The following SPOCK3 variants were observed in gnomAD, a reference collection of about 807,000 sequenced individuals.
SPOCK3 encodes testican-3.
In SPOCK3, 30 loss-of-function variants were observed where a neutral mutation model predicts 56.6. That is an observed-to-expected ratio of 0.53 (90% CI 0.40 to 0.72). The LOEUF is 0.72. Among genes scored for constraint, SPOCK3 ranks in the 30% least tolerant of loss-of-function variants. The probability of loss-of-function intolerance (pLI) is 0.00; values close to 1 mark genes in which losing one functional copy is unlikely to be tolerated. For missense variants in SPOCK3, 527 were observed against 530.0 expected (o/e 0.99, Z 0.06); for synonymous variants, 196 against 183.3 (o/e 1.07, Z -0.56).
chr4:166,924,078 C>G (rs1302016782), intron 4 of SPOCK3, among the ~76,000 whole-genome samples: 1 of 152,030 alleles, frequency 6.6e-6, no homozygotes, highest in African/African-American at 2.4e-5. Context: ...TTTGTGACAT[C>G]CAAGGTTGAC....
intron 4 of SPOCK3, among the ~76,000 whole-genome samples, chr4:166,977,213 AATTT>A (rs893628088): frequency 6.6e-6 from 1 of 152,072 alleles, no homozygotes; most frequent in Non-Finnish European, 1.5e-5. Flanking sequence ...TTAGGTTTAT[AATTT>A]ATTTATAATC....
chr4:167,198,356 G>C (rs1303968931), intron 2 of SPOCK3, among the ~76,000 whole-genome samples: 1 of 152,134 alleles, frequency 6.6e-6, no homozygotes, highest in Non-Finnish European at 1.5e-5. Context: ...CTATGTGATA[G>C]TTTGGTTATA....
chr4:166,764,473 G>A (rs1018585247), intron 7 of SPOCK3, among the ~76,000 whole-genome samples: 5 of 152,052 alleles, frequency 3.3e-5, no homozygotes, highest in Non-Finnish European at 7.4e-5. Context: ...AGTTTGCTGA[G>A]AATGATGGTT....
chr4:166,906,481 A>AT (rs1341050279), intron 5 of SPOCK3, among the ~76,000 whole-genome samples: 15 of 121,560 alleles, frequency 1.2e-4, no homozygotes, highest in Admixed American at 4.2e-4. Context: ...GGTTGGCTAC[A>AT]TAAAAAAAAA....
rs147084615 is a variant in SPOCK3 at position 167,051,035 on chromosome 4, C to T, written c.235+11457G>A. Among the ~76,000 whole-genome samples, 1,087 of 152,066 alleles carry T rather than the reference C, an allele frequency of 7.1e-3. 53 individuals carry two copies. The highest frequency in any genetic ancestry group is 0.066 in the Admixed American group (1,014 of 15,272). ...TGATTGCAAAACGATATGAATGTAC[C>T]TAATGCCCCTGAACTATATTCCTAA... On this transcript the variant is annotated intron_variant, in intron 3 of 10. Transcript: ENST00000357545.
chr4:166,846,521 G>C (rs1748079509), intron 6 of SPOCK3, among the ~76,000 whole-genome samples: 1 of 152,048 alleles, frequency 6.6e-6, no homozygotes, highest in Non-Finnish European at 1.5e-5. Context: ...TGACAAAAAA[G>C]ATGTCTAATG....
intron 4 of SPOCK3, among the ~76,000 whole-genome samples, chr4:166,928,844 C>A (rs62352349): frequency 6.6e-5 from 10 of 151,752 alleles, no homozygotes; most frequent in African/African-American, 2.2e-4. Context: ...GGTGGGTGCC[C>A]GAAATCCCAG....
Position 166,841,578 on chromosome 4 carries a change from C to T in SPOCK3, c.589+47552G>A, listed in dbSNP as rs1319880148. ...TCTTATTTTTGTGTCTGTCACTTTT[C>T]ACTAGTTCTTATAAATATGGCCTTC... On this transcript the variant is annotated intron_variant, in intron 6 of 10. Coordinates refer to ENST00000357545, the MANE Select transcript of SPOCK3 (RefSeq NM_001040159.2). Among the ~76,000 whole-genome samples, 6 of 152,282 alleles carry T rather than the reference C, an allele frequency of 3.9e-5. No homozygotes were observed. In the East Asian group the frequency reaches 9.7e-4, roughly 25 times the overall value.
chr4:166,986,113 G>T lies in SPOCK3; in HGVS notation c.350+14236C>A, dbSNP rs144696907. Among the ~76,000 whole-genome samples, 10 of 152,224 alleles carry T rather than the reference G, an allele frequency of 6.6e-5. No homozygotes were observed. The East Asian group carries it at 1.5e-3, about 24-fold the overall frequency. On this transcript the variant is annotated intron_variant, in intron 4 of 10. Transcript: ENST00000357545. Reference sequence around the variant, plus strand: ...TCATGTTTAAAAAACAAAGTAAAATGCTGGAAAGCAAAACATCTCAATGTC... The same window carrying T: ...TCATGTTTAAAAAACAAAGTAAAATTCTGGAAAGCAAAACATCTCAATGTC...
chr4:166,800,963 T>C (rs1430605504), intron 6 of SPOCK3, among the ~76,000 whole-genome samples: 2 of 152,142 alleles, frequency 1.3e-5, no homozygotes, highest in Non-Finnish European at 2.9e-5. Flanking sequence ...TTATACCATA[T>C]TTTGACTGTA....
chr4:167,201,184 A>G (rs1304200653), intron 2 of SPOCK3, among the ~76,000 whole-genome samples: 1 of 152,050 alleles, frequency 6.6e-6, no homozygotes, highest in Admixed American at 6.6e-5. Flanking sequence ...TTTAAGAATT[A>G]GGTAAGAACA....
At chr4:167,009,885 AAAC>A (rs1417668038) in intron 3 of SPOCK3, among the ~76,000 whole-genome samples, 4 of 152,056 alleles carry the variant, frequency 2.6e-5, no homozygotes, top group Non-Finnish European at 4.4e-5. Flanking sequence ...AGAAATATAA[AAAC>A]AACATGATAA....
At chr4:167,164,586 C>G (rs555267798) in intron 2 of SPOCK3, among the ~76,000 whole-genome samples, 6 of 152,060 alleles carry the variant, frequency 3.9e-5, no homozygotes, top group Admixed American at 3.3e-4. Flanking sequence ...TGCTCTCCCC[C>G]ATCTTTCCCC....
At chr4:166,751,664 G>C (rs1736388690) in intron 8 of SPOCK3, among the ~76,000 whole-genome samples, 2 of 152,200 alleles carry the variant, frequency 1.3e-5, no homozygotes, top group South Asian at 4.1e-4. Context: ...AGACTAGGTG[G>C]AGCTGAATAA....
intron 3 of SPOCK3, among the ~76,000 whole-genome samples, chr4:167,042,626 AAAGT>A (rs149094618): frequency 6.2e-4 from 94 of 152,234 alleles, no homozygotes; most frequent in African/African-American, 2.2e-3. Flanking sequence ...AGAAACCTGA[AAAGT>A]AATTCATATT....
intron 2 of SPOCK3, among the ~76,000 whole-genome samples, chr4:167,132,190 T>C (rs563122287): frequency 1.0e-3 from 153 of 152,364 alleles, no homozygotes; most frequent in Non-Finnish European, 1.6e-3. Context: ...TAAAAATCAT[T>C]TGAATTCAAC....
chr4:167,020,973 T>C (rs1277947710), intron 3 of SPOCK3, among the ~76,000 whole-genome samples: 2 of 152,070 alleles, frequency 1.3e-5, no homozygotes, highest in South Asian at 2.1e-4. Flanking sequence ...CAAATTCTAA[T>C]TGGAAATATA....
chr4:166,802,633 C>G (rs993051243), intron 6 of SPOCK3, among the ~76,000 whole-genome samples: 2 of 152,098 alleles, frequency 1.3e-5, no homozygotes, highest in African/African-American at 4.8e-5. Context: ...GTCCCACCTC[C>G]TGGTACCATC....
chr4:166,787,323 C>T (rs951501072), intron 7 of SPOCK3, among the ~76,000 whole-genome samples: 16 of 152,178 alleles, frequency 1.1e-4, no homozygotes, highest in South Asian at 6.2e-4. Context: ...ACCAGAAAAA[C>T]GTGTGATTTG....
Sources: allele counts gnomAD v4.1 joint callset (sites outside exome capture counted in the v4.1 genomes callset), GRCh38; gene constraint gnomAD v4.1.1; transcripts MANE v1.5; gene names NCBI Gene and HGNC (gene_info 2026-07-23, HGNC 2026-07-21).